The following GREB1L variants were observed in gnomAD, a reference collection of about 807,000 sequenced individuals.
GREB1L encodes GREB1 like retinoic acid receptor coactivator.
In GREB1L, 17 loss-of-function variants were observed where a neutral mutation model predicts 200.8. The observed-to-expected ratio is 0.08, with a 90% CI of 0.06 to 0.13. GREB1L has a LOEUF of 0.13. GREB1L is among the 10% of genes least tolerant of loss of function. The pLI is 1.00. For synonymous variants in GREB1L, 789 were observed against 893.0 expected, an observed-to-expected ratio of 0.88 and a Z score of 2.08; for missense variants, 1,657 against 2,367.7, an observed-to-expected ratio of 0.70 and a Z score of 6.23.
intron 2 of GREB1L, among the ~76,000 whole-genome samples, chr18:21,366,745 T>G (rs189236696): frequency 6.6e-6 from 1 of 151,924 alleles, no homozygotes; most frequent in East Asian, 1.9e-4. Flanking sequence ...CTTTTGGAAG[T>G]TACAATGTGC....
chr18:21,502,035 C>T (rs1045367779), intron 23 of GREB1L, among the ~76,000 whole-genome samples: 19 of 152,058 alleles, frequency 1.2e-4, no homozygotes, highest in Non-Finnish European at 2.5e-4. Context: ...CCAAGGCGGG[C>T]GGATCACCTG....
intron 1 of GREB1L, among the ~76,000 whole-genome samples, chr18:21,346,867 A>G (rs2039353759): frequency 6.6e-6 from 1 of 151,674 alleles, no homozygotes; most frequent in South Asian, 2.1e-4. Context: ...TTAGTCATCA[A>G]CTCTTCCTTT....
chr18:21,429,024 C>A (rs1435605670), intron 7 of GREB1L, among the ~76,000 whole-genome samples: 1 of 151,864 alleles, frequency 6.6e-6, no homozygotes, highest in Non-Finnish European at 1.5e-5. Context: ...AGCCTATAAT[C>A]CTTTTTATAT....
intron 11 of GREB1L, 109 bp from the exon 12 acceptor site, chr18:21,449,401 G>A (rs1239217082): frequency 3.2e-6 from 2 of 617,616 alleles, no homozygotes. Flanking sequence ...TTATTTTCTA[G>A]TTGGAGTATG....
Position 21,505,865 on chromosome 18 carries a change from A to G in GREB1L, c.4284A>G (p.Ile1428Met), listed in dbSNP as rs887912382. The G allele has an allele frequency of 5.8e-6, 9 of 1,551,846 alleles. No homozygotes were observed. In the African/African-American group the frequency reaches 1.2e-4, roughly 21 times the overall value. The change falls in exon 25 of 33, where the codon ATA becomes ATG. Residue 1428 changes from isoleucine to methionine, a missense_variant. Transcript: ENST00000424526. Reference protein sequence around the residue: ...EEPRKRETVSIMLTKYAAYNT... With the variant: ...EEPRKRETVSMMLTKYAAYNT... ...CCAGGAAACGGGAAACTGTATCCATAATGCTGACCAAATATGCAGCCTATA... is the reference window on the plus strand; with the variant it reads ...CCAGGAAACGGGAAACTGTATCCATGATGCTGACCAAATATGCAGCCTATA...
intron 2 of GREB1L, among the ~76,000 whole-genome samples, chr18:21,371,801 G>C (rs1212013314): frequency 6.9e-6 from 1 of 145,508 alleles, no homozygotes. Context: ...AAAAAAAAAA[G>C]GTGCTACTAT....
At chr18:21,311,688 G>A (rs766723217) in intron 1 of GREB1L, among the ~76,000 whole-genome samples, 2 of 152,086 alleles carry the variant, frequency 1.3e-5, no homozygotes, top group African/African-American at 2.4e-5. Context: ...TTGGGTTGGT[G>A]CAATCGAATA....
At chr18:21,441,581 A>G (rs2033903748) in intron 10 of GREB1L, 44 bp downstream of exon 10, 1 of 1,506,850 alleles carries the variant, frequency 6.6e-7, no homozygotes, top group Admixed American at 2.2e-5. Context: ...GCTGGAATCT[A>G]GGAGTGTTTT....
intron 1 of GREB1L, among the ~76,000 whole-genome samples, chr18:21,260,814 C>G (rs1172652959): frequency 6.6e-6 from 1 of 151,804 alleles, no homozygotes; most frequent in African/African-American, 2.4e-5. Context: ...GTGTGTGTTT[C>G]ATTTAAATGT....
chr18:21,505,992 G>A, intron 25 of GREB1L, 43 bp downstream of exon 25: 1 of 1,524,620 alleles, frequency 6.6e-7, no homozygotes. Flanking sequence ...ACCCAGTATG[G>A]ATTTTGTATG....
intron 23 of GREB1L, among the ~76,000 whole-genome samples, chr18:21,501,431 T>A (rs1481934982): frequency 1.3e-5 from 2 of 152,124 alleles, no homozygotes; most frequent in Non-Finnish European, 2.9e-5. Context: ...ACCCATCCTG[T>A]GTCCATGTGT....
In GREB1L at chr18:21,384,321, C is replaced by T. The variant is rs370170442; in HGVS notation, c.273C>T (p.Asp91=). ...TTAATGAAATGGAAGATGATGAAGACGATGAAGAAATGTCTGATTCAAACA... is the reference window on the plus strand; with the variant it reads ...TTAATGAAATGGAAGATGATGAAGATGATGAAGAAATGTCTGATTCAAACA... ...LTVNEMEDDE[D]DEEMSDSNSP... Residue 91 remains aspartate (D), a synonymous_variant, in exon 4 of 33, where the codon GAC becomes GAT. Coordinates refer to ENST00000424526, the MANE Select transcript of GREB1L (RefSeq NM_001142966.3). 5.2e-5 allele frequency: 81 copies of T among 1,551,376 alleles called. No individual in the cohort carries two copies. Among genetic ancestry groups the T allele is most frequent in the African/African-American group, 8.2e-5 (6 of 73,008 alleles).
In GREB1L at chr18:21,505,476, C is replaced by A. The variant is rs1338752059; in HGVS notation, c.4137C>A (p.Phe1379Leu). 5.2e-6 allele frequency: 8 copies of A among 1,551,502 alleles called. No individual in the cohort carries two copies. Among genetic ancestry groups the A allele is most frequent in the African/African-American group, 1.4e-5 (1 of 73,026 alleles). Residue 1379 changes from phenylalanine to leucine, a missense_variant, in exon 24 of 33, where the codon TTC (phenylalanine) becomes TTA (leucine). Transcript: ENST00000424526. Reference protein sequence around the residue: ...EGEPWPDIESFSKMPFDVSVH... With the variant: ...EGEPWPDIESLSKMPFDVSVH... ...AGCCCTGGCCTGACATCGAGAGCTT[C>A]AGTAAAATGCCTTTTGATGTCAGTG...
intron 5 of GREB1L, among the ~76,000 whole-genome samples, chr18:21,396,217 GTATTTT>G (rs1415658290): frequency 6.6e-6 from 1 of 151,434 alleles, no homozygotes. Context: ...GCTACTCTTT[GTATTTT>G]TAGTAAAGAC....
intron 1 of GREB1L, among the ~76,000 whole-genome samples, chr18:21,339,153 C>T (rs896596917): frequency 2.0e-5 from 3 of 151,388 alleles, no homozygotes; most frequent in Non-Finnish European, 4.4e-5. Context: ...CACCTCTGCA[C>T]TCCATCCTGG....
At chr18:21,265,574 A>G (rs1390510656) in intron 1 of GREB1L, among the ~76,000 whole-genome samples, 2 of 152,092 alleles carry the variant, frequency 1.3e-5, no homozygotes, top group African/African-American at 4.8e-5. Context: ...TTTACAGTCT[A>G]TTTGGGGCAC....
intron 1 of GREB1L, among the ~76,000 whole-genome samples, chr18:21,283,322 G>C (rs2038302444): frequency 6.6e-6 from 1 of 152,112 alleles, no homozygotes; most frequent in African/African-American, 2.4e-5. Flanking sequence ...CAGGAATTCT[G>C]TGGGAAAAAA....
intron 1 of GREB1L, among the ~76,000 whole-genome samples, chr18:21,355,647 C>A (rs796270607): frequency 3.3e-5 from 5 of 152,204 alleles, no homozygotes; most frequent in African/African-American, 1.2e-4. Context: ...TACAGGAAAA[C>A]CAGAAAAGCA....
At chr18:21,457,877 C>T (rs75946991) in intron 15 of GREB1L, among the ~76,000 whole-genome samples, 3,847 of 151,376 alleles carry the variant, frequency 0.025, 172 homozygotes, top group African/African-American at 0.086. Context: ...AATCATCTGA[C>T]TTAGTTTCCT....
Sources: gnomAD v4.1 joint callset for allele counts (sites outside exome capture counted in the v4.1 genomes callset) on GRCh38, gnomAD v4.1.1 for gene constraint, MANE v1.5 for transcripts, NCBI Gene and HGNC (gene_info 2026-07-23, HGNC 2026-07-21) for gene names.